KLRG1: variants seen among roughly 807,000 people sequenced by gnomAD.
KLRG1 encodes killer cell lectin like receptor G1, also known as killer cell lectin-like receptor subfamily G member 1.
In KLRG1, 16 loss-of-function variants were observed where a neutral mutation model predicts 21.8. The ratio of observed to expected loss-of-function variants is 0.73; its 90% CI spans 0.50 to 1.11. The LOEUF (loss-of-function observed/expected upper bound fraction) is 1.11. KLRG1 is among the 50% of genes most tolerant of loss of function. The pLI is 0.00. For synonymous variants in KLRG1, 69 were observed against 75.9 expected (o/e 0.91, Z 0.47); for missense variants, 173 against 218.3 (o/e 0.79, Z 1.31).
intron 1 of KLRG1, among the ~76,000 whole-genome samples, chr12:8,975,333 C>A (rs1414915198): frequency 6.6e-6 from 1 of 151,970 alleles, no homozygotes; most frequent in Non-Finnish European, 1.5e-5. Flanking sequence ...CTGATTTATT[C>A]TCCTCATTTA....
chr12:9,209,813 A>G, the KLRG1 span, among the ~76,000 whole-genome samples: 4 of 152,148 alleles, frequency 2.6e-5, no homozygotes, highest in African/African-American at 9.7e-5. Context: ...TTTTATATGT[A>G]TAAGTGGTAT....
chr12:9,125,769 C>G, the KLRG1 span, among the ~76,000 whole-genome samples: 1 of 152,214 alleles, frequency 6.6e-6, no homozygotes, highest in Non-Finnish European at 1.5e-5. Context: ...GAATCTTGCT[C>G]TAACGCCCAG....
At chr12:9,115,706 A>G in the KLRG1 span, 1 of 1,306,824 alleles carries the variant, frequency 7.7e-7, no homozygotes, top group South Asian at 1.2e-5. Context: ...ATAAAGAAAA[A>G]TCTGCAATAA....
the KLRG1 span, among the ~76,000 whole-genome samples, chr12:9,153,555 T>C: frequency 1.3e-5 from 2 of 152,268 alleles, no homozygotes; most frequent in Non-Finnish European, 2.9e-5. Flanking sequence ...TAATAATGTT[T>C]ATTAATGTCA....
chr12:9,189,407 A>G, the KLRG1 span, among the ~76,000 whole-genome samples: 192 of 152,340 alleles, frequency 1.3e-3, no homozygotes, highest in Middle Eastern at 0.014. Flanking sequence ...CTCCCTATTC[A>G]ATAAATGGTG....
chr12:8,986,148 G>T (rs563092775), upstream of KLRG1, among the ~76,000 whole-genome samples: 32 of 152,296 alleles, frequency 2.1e-4, 1 homozygote, highest in Admixed American at 2.1e-3. Flanking sequence ...AAACCTTACT[G>T]GTTAGGTGCT....
At chr12:8,985,232 A>C (rs766473811), upstream of KLRG1, among the ~76,000 whole-genome samples, 10 of 149,922 alleles carry the variant, frequency 6.7e-5, no homozygotes, top group South Asian at 1.9e-3. Context: ...TTAGTAGAGT[A>C]CCACTCAATT....
chr12:9,109,340 T>C, the KLRG1 span: 1 of 1,613,006 alleles, frequency 6.2e-7, no homozygotes, highest in Admixed American at 1.7e-5. Context: ...ACTGATACAT[T>C]CATCTCTTCT....
At chr12:8,987,321 T>A (rs1452766042), upstream of KLRG1, 3 of 152,188 alleles carry the variant, frequency 2.0e-5, no homozygotes, top group Non-Finnish European at 2.9e-5. Flanking sequence ...CTGATAGGAT[T>A]AATGTTCTTG....
chr12:9,176,827 T>TG, the KLRG1 span, among the ~76,000 whole-genome samples: 1 of 152,190 alleles, frequency 6.6e-6, no homozygotes, highest in Admixed American at 6.5e-5. Context: ...GTTAAGTGTG[T>TG]GGGGCCAAAT....
the KLRG1 span, chr12:9,109,343 T>C: frequency 6.2e-7 from 1 of 1,613,226 alleles, no homozygotes; most frequent in Middle Eastern, 1.7e-4. Context: ...GATACATTCA[T>C]CTCTTCTTCC....
At chr12:9,107,874 G>GT in the KLRG1 span, among the ~76,000 whole-genome samples, 18 of 146,718 alleles carry the variant, frequency 1.2e-4, no homozygotes, top group African/African-American at 1.5e-4. Context: ...TTTTTTCCTC[G>GT]TTTTTTTTTA....
chr12:9,028,640 C>T, the KLRG1 span: 2 of 382,442 alleles, frequency 5.2e-6, no homozygotes, highest in Non-Finnish European at 1.0e-5. Context: ...GACGGGATTT[C>T]ACCATTTTGT....
chr12:9,026,759 A>G, the KLRG1 span, among the ~76,000 whole-genome samples: 2 of 151,664 alleles, frequency 1.3e-5, no homozygotes, highest in Non-Finnish European at 2.9e-5. Context: ...TGTCAGTCAT[A>G]TGTGTTGCAA....
chr12:9,131,124 T>C, the KLRG1 span, among the ~76,000 whole-genome samples: 2 of 152,202 alleles, frequency 1.3e-5, no homozygotes, highest in Non-Finnish European at 2.9e-5. Flanking sequence ...GGCTCTTTAT[T>C]CTATTACGAT....
chr12:9,008,123 C>A (rs1014591658), intron 3 of KLRG1, among the ~76,000 whole-genome samples: 4 of 151,978 alleles, frequency 2.6e-5, no homozygotes, highest in African/African-American at 9.7e-5. Flanking sequence ...TTTTTTCTTG[C>A]CACATACAAG....
At chr12:8,967,185 T>G (rs1592242201) in intron 1 of KLRG1, among the ~76,000 whole-genome samples, 2 of 59,338 alleles carry the variant, frequency 3.4e-5, no homozygotes, top group African/African-American at 7.2e-5. Context: ...GGGACTGTTG[T>G]GGGGTGGGGG....
At chr12:8,966,289 A>G (rs1235582110) in intron 1 of KLRG1, among the ~76,000 whole-genome samples, 1 of 152,200 alleles carries the variant, frequency 6.6e-6, no homozygotes, top group African/African-American at 2.4e-5. Context: ...CAAGGACTTC[A>G]TGTCTAAAAC....
chr12:9,052,908 T>G, the KLRG1 span: 1 of 430,100 alleles, frequency 2.3e-6, no homozygotes, highest in Non-Finnish European at 4.5e-6. Flanking sequence ...TTTAAAAAAT[T>G]AACCCTTCTA....
Sources: gnomAD v4.1 joint callset for allele counts (sites outside exome capture counted in the v4.1 genomes callset) on GRCh38, gnomAD v4.1.1 for gene constraint, MANE v1.5 for transcripts, NCBI Gene and HGNC (gene_info 2026-07-23, HGNC 2026-07-21) for gene names.